CDH13: variants seen among roughly 807,000 people sequenced by gnomAD.
The protein encoded by CDH13 is cadherin-13.
Under a neutral mutation model 63.8 loss-of-function variants are expected in CDH13, and 24 were observed. The ratio of observed to expected loss-of-function variants is 0.38; its 90% CI spans 0.27 to 0.53. The LOEUF is 0.53. Among genes scored for constraint, CDH13 ranks in the 20% least tolerant of loss-of-function variants. The probability of loss-of-function intolerance (pLI) is 0.85; values close to 1 mark genes in which losing one functional copy is unlikely to be tolerated. For synonymous variants in CDH13, 503 were observed against 355.3 expected (o/e 1.42, Z -4.67); for missense variants, 1,049 against 903.1 (o/e 1.16, Z -2.07).
intron 8 of CDH13, among the ~76,000 whole-genome samples, chr16:83,618,405 A>G (rs1909486274): frequency 6.6e-6 from 1 of 151,276 alleles, no homozygotes. Context: ...AGCCTGGAGA[A>G]CAGAGAGAGA....
At chr16:83,734,354 G>A in intron 10 of CDH13, among the ~76,000 whole-genome samples, 1 of 152,150 alleles carries the variant, frequency 6.6e-6, no homozygotes, top group East Asian at 1.9e-4. Flanking sequence ...TGCAGCCAAG[G>A]AAATGGGAGG....
chr16:83,378,501 G>C (rs193146038), intron 6 of CDH13, among the ~76,000 whole-genome samples: 3 of 152,116 alleles, frequency 2.0e-5, no homozygotes, highest in East Asian at 3.9e-4. Flanking sequence ...CCAATAAAGG[G>C]GTCCCCTTCA....
At chr16:82,681,965 C>A (rs1009356107) in intron 1 of CDH13, among the ~76,000 whole-genome samples, 2 of 152,238 alleles carry the variant, frequency 1.3e-5, no homozygotes, top group Non-Finnish European at 2.9e-5. Context: ...TGCCACCTCT[C>A]CTTTCATTTC....
intron 8 of CDH13, among the ~76,000 whole-genome samples, chr16:83,646,337 T>C (rs1911790418): frequency 6.6e-6 from 1 of 152,194 alleles, no homozygotes; most frequent in South Asian, 2.1e-4. Context: ...AATCGTTAGC[T>C]GTGATTATCA....
intron 6 of CDH13, among the ~76,000 whole-genome samples, chr16:83,351,817 C>T (rs750846026): frequency 2.0e-5 from 3 of 152,214 alleles, no homozygotes; most frequent in Non-Finnish European, 4.4e-5. Flanking sequence ...GGATTTTAGT[C>T]TGTATCTTGG....
chr16:82,987,197 A>G (rs1393448740), intron 2 of CDH13, among the ~76,000 whole-genome samples: 1 of 151,996 alleles, frequency 6.6e-6, no homozygotes, highest in Non-Finnish European at 1.5e-5. Flanking sequence ...TCATGATTCA[A>G]CTTCCCTGTC....
At chr16:82,960,537 A>C (rs1285441989) in intron 2 of CDH13, among the ~76,000 whole-genome samples, 1 of 152,212 alleles carries the variant, frequency 6.6e-6, no homozygotes, top group Non-Finnish European at 1.5e-5. Context: ...CCCGATGCAA[A>C]GCGTGGCATA....
intron 6 of CDH13, among the ~76,000 whole-genome samples, chr16:83,357,727 G>A (rs1189973423): frequency 6.6e-6 from 1 of 152,182 alleles, no homozygotes; most frequent in Non-Finnish European, 1.5e-5. Context: ...TGTCAGTAGT[G>A]CCAATGTTTC....
intron 7 of CDH13, among the ~76,000 whole-genome samples, chr16:83,560,649 G>A (rs1424011575): frequency 1.3e-5 from 2 of 152,178 alleles, no homozygotes; most frequent in Non-Finnish European, 2.9e-5. Flanking sequence ...AAACAAAAAT[G>A]GTCATTGGTC....
intron 1 of CDH13, among the ~76,000 whole-genome samples, chr16:82,692,214 T>C (rs1915712499): frequency 1.3e-5 from 2 of 152,226 alleles, no homozygotes. Context: ...TTACCCAGCA[T>C]GGTAACTTCT....
intron 1 of CDH13, among the ~76,000 whole-genome samples, chr16:82,656,661 A>T (rs1020996428): frequency 1.3e-5 from 2 of 152,120 alleles, no homozygotes; most frequent in African/African-American, 4.8e-5. Flanking sequence ...CAAATGTGTA[A>T]ATTCATGTAT....
chr16:83,716,835 A>C (rs1908983685), intron 10 of CDH13, among the ~76,000 whole-genome samples: 1 of 152,062 alleles, frequency 6.6e-6, no homozygotes, highest in Non-Finnish European at 1.5e-5. Flanking sequence ...AGTCCTTTTC[A>C]TTCTCTCTAA....
intron 4 of CDH13, among the ~76,000 whole-genome samples, chr16:83,190,146 A>C (rs961812769): frequency 6.6e-6 from 1 of 152,206 alleles, no homozygotes; most frequent in African/African-American, 2.4e-5. Context: ...CCCAAGGAGA[A>C]TACTGTTTGG....
chr16:83,204,724 G>A (rs1402208913), intron 4 of CDH13, among the ~76,000 whole-genome samples: 3 of 152,120 alleles, frequency 2.0e-5, no homozygotes, highest in Admixed American at 6.6e-5. Flanking sequence ...AATTTCAGTT[G>A]ATCAAAAAAA....
intron 7 of CDH13, among the ~76,000 whole-genome samples, chr16:83,582,618 C>A (rs1905726816): frequency 6.6e-6 from 1 of 152,120 alleles, no homozygotes; most frequent in African/African-American, 2.4e-5. Flanking sequence ...GCCTGAGTGG[C>A]CAGGTCTCTC....
chr16:82,878,528 C>G (rs1038886130), intron 2 of CDH13, among the ~76,000 whole-genome samples: 2 of 150,940 alleles, frequency 1.3e-5, no homozygotes, highest in African/African-American at 4.9e-5. Context: ...TCTAAACACA[C>G]TCTAAACACA....
chr16:83,604,475 A>G (rs1000746239), intron 8 of CDH13, among the ~76,000 whole-genome samples: 9 of 152,228 alleles, frequency 5.9e-5, no homozygotes. Context: ...AGATGTGGGA[A>G]ACACTGAATT....
At chr16:82,719,476 G>C in intron 1 of CDH13, 1 of 455,604 alleles carries the variant, frequency 2.2e-6, no homozygotes, top group Non-Finnish European at 4.4e-6. Context: ...TGCCAACTTC[G>C]TAAGTTACAT....
intron 5 of CDH13, among the ~76,000 whole-genome samples, chr16:83,287,134 A>G (rs1228430255): frequency 6.6e-6 from 1 of 152,172 alleles, no homozygotes; most frequent in African/African-American, 2.4e-5. Flanking sequence ...CATTCTGCAA[A>G]TGTCAGTGGA....
Sources: allele counts gnomAD v4.1 joint callset (sites outside exome capture counted in the v4.1 genomes callset), GRCh38; gene constraint gnomAD v4.1.1; transcripts MANE v1.5; gene names NCBI Gene and HGNC (gene_info 2026-07-23, HGNC 2026-07-21).